The following PDS5B variants were observed in gnomAD, a reference collection of about 807,000 sequenced individuals.
PDS5B encodes PDS5 cohesin associated factor B.
A neutral mutation model predicts 184.1 loss-of-function variants in PDS5B; 51 were observed. The ratio of observed to expected loss-of-function variants is 0.28; its 90% CI spans 0.22 to 0.35. The LOEUF (loss-of-function observed/expected upper bound fraction) is 0.35, where lower values mean the gene tolerates loss of function less well. Ranked by LOEUF, PDS5B falls within the 10% of genes least tolerant of loss-of-function variation. The pLI, the probability that PDS5B is intolerant of heterozygous loss-of-function variation, is 1.00. For missense variants in PDS5B, 1,180 were observed against 1,723.3 expected (o/e 0.68, Z 5.58); for synonymous variants, 566 against 569.2 (o/e 0.99, Z 0.08).
At chr13:32,742,480 T>G in intron 22 of PDS5B, 111 bp from the exon 23 acceptor site, 1 of 825,438 alleles carries the variant, frequency 1.2e-6, no homozygotes, top group Non-Finnish European at 1.9e-6. Flanking sequence ...AAAGAATTTT[T>G]TCTTTTCTTA....
intron 30 of PDS5B, among the ~76,000 whole-genome samples, chr13:32,761,307 A>G (rs931674278): frequency 5.5e-4 from 83 of 152,200 alleles, no homozygotes; most frequent in African/African-American, 1.7e-3. Flanking sequence ...GTACATATAT[A>G]AACTTCGTTT....
chr13:32,686,738 T>C (rs529734819), intron 11 of PDS5B, among the ~76,000 whole-genome samples: 1 of 152,338 alleles, frequency 6.6e-6, no homozygotes, highest in Non-Finnish European at 1.5e-5. Flanking sequence ...TGAGCTGTGA[T>C]TGCACCACTT....
intron 1 of PDS5B, among the ~76,000 whole-genome samples, chr13:32,635,861 T>C (rs899748773): frequency 4.8e-5 from 7 of 147,332 alleles, no homozygotes; most frequent in African/African-American, 1.8e-4. Context: ...CTCCACCTCC[T>C]CGGTTCACGC....
intron 15 of PDS5B, among the ~76,000 whole-genome samples, chr13:32,697,793 C>G (rs1214808900): frequency 6.6e-6 from 1 of 152,196 alleles, no homozygotes; most frequent in Non-Finnish European, 1.5e-5. Context: ...TCAAAGCTAT[C>G]TTGACCTCCT....
chr13:32,686,455 G>T (rs1951393574), intron 11 of PDS5B, among the ~76,000 whole-genome samples: 2 of 152,048 alleles, frequency 1.3e-5, no homozygotes, highest in African/African-American at 4.8e-5. Flanking sequence ...AGGGATGGGG[G>T]TTTATCCATT....
chr13:32,705,493 C>T (rs1423534152), intron 17 of PDS5B, among the ~76,000 whole-genome samples: 2 of 152,052 alleles, frequency 1.3e-5, no homozygotes, highest in Non-Finnish European at 2.9e-5. Flanking sequence ...CCTAACTTGA[C>T]CTTAAATTTG....
intron 19 of PDS5B, among the ~76,000 whole-genome samples, chr13:32,728,868 T>C (rs534114919): frequency 6.6e-6 from 1 of 152,272 alleles, no homozygotes; most frequent in East Asian, 1.9e-4. Flanking sequence ...GTTATAGTTT[T>C]TTAAAAAAAT....
intron 25 of PDS5B, among the ~76,000 whole-genome samples, chr13:32,755,190 G>A (rs1954130623): frequency 6.6e-6 from 1 of 152,140 alleles, no homozygotes. Flanking sequence ...TCCAGAATAT[G>A]AGTCCCAGTC....
At position 32,775,518 on chromosome 13, in the gene PDS5B, G is replaced by T; in HGVS notation, c.*466G>T. ...AAAAAAAATTTGTTTTCAACAATTG[G>T]TGTCATTTTCTTGATGTCACTATTT... On this transcript the variant is annotated 3_prime_UTR_variant, in exon 35 of 35. Coordinates refer to ENST00000315596, the MANE Select transcript of PDS5B (RefSeq NM_015032.4). The T allele has an allele frequency of 2.8e-6, 1 of 360,214 alleles. No homozygotes were observed. Among genetic ancestry groups the T allele is most frequent in the South Asian group, 2.1e-5 (1 of 48,174 alleles). 22.3% of individuals were successfully genotyped at this position (360,214 alleles called of 1,614,324 possible). A position where few individuals can be genotyped will look rare whatever the true frequency, so the allele number is the denominator to read the frequency against.
At chr13:32,714,834 A>G (rs931293370) in intron 19 of PDS5B, among the ~76,000 whole-genome samples, 4 of 152,196 alleles carry the variant, frequency 2.6e-5, no homozygotes, top group African/African-American at 7.2e-5. Flanking sequence ...CAATTATCAC[A>G]TGGTCCTGAG....
chr13:32,732,909 A>G (rs1953175886), intron 20 of PDS5B, among the ~76,000 whole-genome samples: 1 of 152,164 alleles, frequency 6.6e-6, no homozygotes, highest in African/African-American at 2.4e-5. Context: ...GCTCCTTGAC[A>G]TAAGTACTTG....
intron 25 of PDS5B, among the ~76,000 whole-genome samples, chr13:32,755,063 C>T (rs1200563516): frequency 2.0e-5 from 3 of 152,126 alleles, no homozygotes; most frequent in Admixed American, 1.3e-4. Context: ...AAACTGTTCT[C>T]TGTAGATTTA....
intron 3 of PDS5B, among the ~76,000 whole-genome samples, chr13:32,655,863 C>A (rs908920967): frequency 6.6e-6 from 1 of 152,160 alleles, no homozygotes; most frequent in African/African-American, 2.4e-5. Flanking sequence ...GTTTTTGTTG[C>A]AGTTGGTTTT....
chr13:32,722,742 T>A (rs548149541), intron 19 of PDS5B, among the ~76,000 whole-genome samples: 1 of 152,356 alleles, frequency 6.6e-6, no homozygotes, highest in East Asian at 1.9e-4. Context: ...TGGAAGCAGC[T>A]ACTACCTCTA....
intron 1 of PDS5B, among the ~76,000 whole-genome samples, chr13:32,617,446 G>A (rs2058236317): frequency 6.6e-6 from 1 of 152,164 alleles, no homozygotes; most frequent in South Asian, 2.1e-4. Flanking sequence ...GTAAATATTG[G>A]AAAGGAAGAG....
chr13:32,629,732 G>A (rs2058426151), intron 1 of PDS5B, among the ~76,000 whole-genome samples: 1 of 152,300 alleles, frequency 6.6e-6, no homozygotes, highest in Admixed American at 6.5e-5. Flanking sequence ...AGTTGAGTGT[G>A]CCTCTGTGGC....
At chr13:32,590,846 G>A (rs1370838365) in intron 1 of PDS5B, among the ~76,000 whole-genome samples, 1 of 151,712 alleles carries the variant, frequency 6.6e-6, no homozygotes, top group Admixed American at 6.6e-5. Context: ...CAAGTTGCAG[G>A]GGCAAGATGC....
In PDS5B at chr13:32,755,643, G is replaced by A. The variant is rs79236542; in HGVS notation, c.2942-199G>A. Among the ~76,000 whole-genome samples, 3 of 151,966 alleles carry A rather than the reference G, an allele frequency of 2.0e-5. No homozygotes were observed. In the East Asian group the frequency reaches 5.8e-4, roughly 29 times the overall value. Reference sequence around the variant, plus strand: ...AACATGGTAGATGAATGAATAGACTGTTTATCATGTACCTCAACACAGGGT... The same window carrying A: ...AACATGGTAGATGAATGAATAGACTATTTATCATGTACCTCAACACAGGGT... On this transcript the variant is annotated intron_variant, in intron 25 of 34. Coordinates refer to ENST00000315596, the MANE Select transcript of PDS5B (RefSeq NM_015032.4).
chr13:32,698,912 C>T (rs1951786279), intron 15 of PDS5B, among the ~76,000 whole-genome samples: 1 of 152,136 alleles, frequency 6.6e-6, no homozygotes, highest in East Asian at 1.9e-4. Context: ...GCCACCACGC[C>T]AGGCTAATTT....
Sources: gnomAD v4.1 joint callset for allele counts (sites outside exome capture counted in the v4.1 genomes callset) on GRCh38, gnomAD v4.1.1 for gene constraint, MANE v1.5 for transcripts, NCBI Gene and HGNC (gene_info 2026-07-23, HGNC 2026-07-21) for gene names.